The following ZBBX variants were observed in gnomAD, a reference collection of about 807,000 sequenced individuals.
ZBBX encodes zinc finger B-box domain-containing protein 1.
ZBBX carries 101 observed loss-of-function variants against 108.5 expected under a neutral mutation model. That is an observed-to-expected ratio of 0.93 (90% CI 0.79 to 1.10). The LOEUF (loss-of-function observed/expected upper bound fraction) is 1.10. Ranked by LOEUF, ZBBX falls within the 50% of genes least tolerant of loss-of-function variation. The probability of loss-of-function intolerance (pLI) is 0.00; values close to 1 mark genes in which losing one functional copy is unlikely to be tolerated. For missense variants in ZBBX, 1,009 were observed against 941.4 expected, an observed-to-expected ratio of 1.07 and a Z score of -0.94; for synonymous variants, 356 against 323.4, an observed-to-expected ratio of 1.10 and a Z score of -1.08.
At chr3:167,239,479 A>C (rs1380223597), downstream of ZBBX, among the ~76,000 whole-genome samples, 1 of 152,062 alleles carries the variant, frequency 6.6e-6, no homozygotes, top group Non-Finnish European at 1.5e-5. Context: ...TATGAAGACA[A>C]TGGTGAAGAT....
chr3:167,322,118 T>G lies in ZBBX; in HGVS notation c.982A>C (p.Arg328=). 7.9e-7 allele frequency: 1 copy of G among 1,266,528 alleles called. No homozygotes were observed. Among genetic ancestry groups the G allele is most frequent in the East Asian group, 2.8e-5 (1 of 36,088 alleles). The allele number at this position is 1,266,528 out of a possible 1,614,324, so 78.5% of individuals were successfully genotyped here. A position where few individuals can be genotyped will look rare whatever the true frequency, so the allele number is the denominator to read the frequency against. ...MEKLWLKKHR[R]TPQEQLFKML... is the part of the protein sequence containing the mutation. ...TAGTATTATAATTTCAGAAAATACCTCCTGTGTTTTTTAAGCCATAATTTT... is the reference window on the plus strand; with the variant it reads ...TAGTATTATAATTTCAGAAAATACCGCCTGTGTTTTTTAAGCCATAATTTT... The change falls in exon 12 of 22, where the codon AGA becomes CGA. Residue 328 remains arginine, a splice_region_variant and synonymous_variant. Coordinates refer to ENST00000675490, the MANE Select transcript of ZBBX (RefSeq NM_001199201.2).
At chr3:167,367,319 C>T (rs372176266) in intron 5 of ZBBX, among the ~76,000 whole-genome samples, 42 of 151,882 alleles carry the variant, frequency 2.8e-4, no homozygotes, top group African/African-American at 1.0e-3. Flanking sequence ...AGGAATTTAT[C>T]CCACAAATAG....
chr3:167,336,239 T>A (rs966431896), intron 9 of ZBBX, among the ~76,000 whole-genome samples: 1 of 152,084 alleles, frequency 6.6e-6, no homozygotes, highest in Non-Finnish European at 1.5e-5. Context: ...GGTAGCATAT[T>A]AAGAGAATCA....
intron 20 of ZBBX, among the ~76,000 whole-genome samples, chr3:167,260,180 A>G (rs1246442035): frequency 1.3e-5 from 2 of 152,184 alleles, no homozygotes; most frequent in Non-Finnish European, 2.9e-5. Flanking sequence ...TCTAGCTTAT[A>G]GGGTTTCTGC....
Position 167,282,345 on chromosome 3 carries a change from T to G in ZBBX, c.2147A>C (p.Glu716Ala), listed in dbSNP as rs1318733702. Reference sequence around the variant, plus strand: ...ATTCTGGTCAGTAATATCAATATATTCAATTTCTGAAATTTCAGAAGCAGC... The same window carrying G: ...ATTCTGGTCAGTAATATCAATATATGCAATTTCTGAAATTTCAGAAGCAGC... ...SRAASEISEI[E>A]YIDITDQNEL... The change falls in exon 20 of 22, where the codon GAA becomes GCA. Residue 716 changes from glutamate to alanine, a missense_variant. Coordinates refer to ENST00000675490, the MANE Select transcript of ZBBX (RefSeq NM_001199201.2). 6.2e-7 allele frequency: 1 copy of G among 1,613,992 alleles called. No individual in the cohort carries two copies. The highest frequency in any genetic ancestry group is 8.5e-7 in the Non-Finnish European group (1 of 1,179,984).
intron 1 of ZBBX, among the ~76,000 whole-genome samples, chr3:167,397,400 C>T (rs1748278292): frequency 6.6e-6 from 1 of 151,746 alleles, no homozygotes; most frequent in Non-Finnish European, 1.5e-5. Context: ...CTATCCCATT[C>T]CAACATATGC....
the ZBBX span, among the ~76,000 whole-genome samples, chr3:167,192,220 T>C: frequency 6.6e-6 from 1 of 152,200 alleles, no homozygotes; most frequent in South Asian, 2.1e-4. Context: ...CTTTCAAATG[T>C]TTTATTTTCA....
At chr3:167,275,089 T>A (rs903949711) in intron 20 of ZBBX, among the ~76,000 whole-genome samples, 1 of 152,200 alleles carries the variant, frequency 6.6e-6, no homozygotes, top group Admixed American at 6.5e-5. Context: ...TTTAATTTGA[T>A]TTTGATTTTC....
At chr3:167,330,355 A>C (rs933029160) in intron 10 of ZBBX, among the ~76,000 whole-genome samples, 4 of 152,196 alleles carry the variant, frequency 2.6e-5, no homozygotes, top group Admixed American at 1.3e-4. Context: ...AAGAAATTTC[A>C]GTATCTAAAA....
At chr3:167,200,774 C>G in the ZBBX span, among the ~76,000 whole-genome samples, 2 of 152,100 alleles carry the variant, frequency 1.3e-5, no homozygotes, top group Non-Finnish European at 2.9e-5. Flanking sequence ...GATGACATCT[C>G]CCAAATAATT....
chr3:167,350,359 T>A (rs1004148814), intron 9 of ZBBX, 61 bp downstream of exon 9: 1 of 1,308,694 alleles, frequency 7.6e-7, no homozygotes, highest in African/African-American at 1.5e-5. Flanking sequence ...ACATTTTAAA[T>A]GTCTTTATGT....
chr3:167,356,135 C>T (rs1743535652), intron 8 of ZBBX, among the ~76,000 whole-genome samples: 3 of 152,040 alleles, frequency 2.0e-5, no homozygotes, highest in Admixed American at 2.0e-4. Context: ...GTTTTCAGAT[C>T]ATTAGAAGCA....
At chr3:167,267,034 T>C (rs1725639361) in intron 20 of ZBBX, among the ~76,000 whole-genome samples, 1 of 152,192 alleles carries the variant, frequency 6.6e-6, no homozygotes, top group Admixed American at 6.5e-5. Flanking sequence ...GTAAACTCTG[T>C]GCACAAACCA....
intron 20 of ZBBX, chr3:167,252,213 T>C (rs1468055263): frequency 1.6e-6 from 2 of 1,287,044 alleles, no homozygotes; most frequent in South Asian, 1.2e-5. Flanking sequence ...GGATGCATCC[T>C]AGAAATAGCA....
At chr3:167,188,335 T>A in the ZBBX span, among the ~76,000 whole-genome samples, 1 of 152,096 alleles carries the variant, frequency 6.6e-6, no homozygotes, top group East Asian at 1.9e-4. Context: ...TTTTAAAGAA[T>A]CTCACCAATC....
intron 6 of ZBBX, among the ~76,000 whole-genome samples, chr3:167,362,281 G>A (rs954846433): frequency 1.3e-5 from 2 of 151,998 alleles, no homozygotes; most frequent in Admixed American, 1.3e-4. Flanking sequence ...TTATTAACAT[G>A]CTGACTCCTC....
chr3:167,212,351 G>A, the ZBBX span, among the ~76,000 whole-genome samples: 2 of 152,156 alleles, frequency 1.3e-5, no homozygotes, highest in African/African-American at 4.8e-5. Context: ...CATTGAGCCA[G>A]TACCAACTCA....
the ZBBX span, among the ~76,000 whole-genome samples, chr3:167,230,438 G>C: frequency 0.052 from 7,827 of 151,812 alleles, 558 homozygotes; most frequent in African/African-American, 0.16. Flanking sequence ...ACTTTCTGTA[G>C]TAATATTGTA....
intron 9 of ZBBX, among the ~76,000 whole-genome samples, chr3:167,343,098 A>T (rs1433612939): frequency 6.6e-6 from 1 of 151,918 alleles, no homozygotes; most frequent in Non-Finnish European, 1.5e-5. Context: ...AATTTCTACT[A>T]ATACTGTATC....
Sources: allele counts gnomAD v4.1 joint callset (sites outside exome capture counted in the v4.1 genomes callset), GRCh38; gene constraint gnomAD v4.1.1; transcripts MANE v1.5; gene names NCBI Gene and HGNC (gene_info 2026-07-23, HGNC 2026-07-21).